Variants in ADGRB3 observed in about 807,000 individuals in gnomAD.
The protein encoded by ADGRB3 is brain-specific angiogenesis inhibitor 3.
In ADGRB3, 37 loss-of-function variants were observed where a neutral mutation model predicts 193.4. The ratio of observed to expected loss-of-function variants is 0.19; its 90% CI spans 0.15 to 0.25. The LOEUF (loss-of-function observed/expected upper bound fraction) is 0.25, where lower values mean the gene tolerates loss of function less well. Among genes scored for constraint, ADGRB3 ranks in the 10% least tolerant of loss-of-function variants. ADGRB3 has a pLI of 1.00. For missense variants in ADGRB3, 1,637 were observed against 1,852.9 expected (o/e 0.88, Z 2.14); for synonymous variants, 690 against 644.2 (o/e 1.07, Z -1.08).
At chr6:68,825,083 C>T (rs1767817752) in intron 3 of ADGRB3, among the ~76,000 whole-genome samples, 1 of 152,036 alleles carries the variant, frequency 6.6e-6, no homozygotes, top group Admixed American at 6.5e-5. Context: ...CTTCGAATTC[C>T]TGACGTCAGG....
intron 3 of ADGRB3, among the ~76,000 whole-genome samples, chr6:68,810,387 A>G (rs539440938): frequency 6.6e-6 from 1 of 152,312 alleles, no homozygotes; most frequent in Non-Finnish European, 1.5e-5. Context: ...CCTTTGGTGA[A>G]CTACCTATCC....
At chr6:68,822,621 A>G (rs1028592875) in intron 3 of ADGRB3, among the ~76,000 whole-genome samples, 3 of 151,944 alleles carry the variant, frequency 2.0e-5, no homozygotes, top group East Asian at 1.9e-4. Flanking sequence ...CCTGATATCT[A>G]TTTGAATCAC....
chr6:68,754,674 G>A (rs560369912), intron 3 of ADGRB3, among the ~76,000 whole-genome samples: 3 of 151,980 alleles, frequency 2.0e-5, no homozygotes, highest in Non-Finnish European at 4.4e-5. Flanking sequence ...ACTAAGTCTA[G>A]ATGGGACTCC....
chr6:69,372,497 ATAGT>A (rs1769728198), intron 30 of ADGRB3, 56 bp downstream of exon 30: 2 of 944,042 alleles, frequency 2.1e-6, no homozygotes, highest in Non-Finnish European at 3.0e-6. Flanking sequence ...AAATAGATAT[ATAGT>A]TACTTAAAAA....
intron 3 of ADGRB3, among the ~76,000 whole-genome samples, chr6:68,772,234 T>C (rs1047761517): frequency 1.3e-5 from 2 of 151,824 alleles, no homozygotes; most frequent in Non-Finnish European, 1.5e-5. Context: ...CAAGGAAAGG[T>C]AGGTGATAGG....
At chr6:68,874,821 T>A (rs2150221490) in intron 3 of ADGRB3, among the ~76,000 whole-genome samples, 1 of 152,310 alleles carries the variant, frequency 6.6e-6, no homozygotes, top group Non-Finnish European at 1.5e-5. Context: ...GCAGTCTATA[T>A]ATGAATATCT....
chr6:69,084,449 G>A (rs1255931139), intron 17 of ADGRB3, among the ~76,000 whole-genome samples: 1 of 151,998 alleles, frequency 6.6e-6, no homozygotes, highest in Non-Finnish European at 1.5e-5. Context: ...ATGAAAACTG[G>A]CTTTGTTCAT....
Position 69,049,268 on chromosome 6 carries a change from T to C in ADGRB3, c.2258-3T>C. The C allele has an allele frequency of 6.3e-7, 1 of 1,588,042 alleles. No homozygotes were observed. The highest frequency in any genetic ancestry group is 8.6e-7 in the Non-Finnish European group (1 of 1,162,634). On this transcript the variant is annotated splice_polypyrimidine_tract_variant and splice_region_variant and intron_variant, in intron 14 of 31. Coordinates refer to ENST00000370598, the MANE Select transcript of ADGRB3 (RefSeq NM_001704.3). ...CTAATACTTCAAAATTTATTCTTTC[T>C]AGAATTAGATGAATCATCTGTATTT...
chr6:68,994,554 G>A (rs934296946), intron 11 of ADGRB3, among the ~76,000 whole-genome samples: 3 of 152,112 alleles, frequency 2.0e-5, no homozygotes, highest in African/African-American at 7.2e-5. Flanking sequence ...CCATAATAAA[G>A]TTTAAGTACT....
chr6:69,031,564 T>TTTCTTTCTTTC (rs1398380007), intron 13 of ADGRB3, among the ~76,000 whole-genome samples: 6 of 135,634 alleles, frequency 4.4e-5, no homozygotes, highest in Non-Finnish European at 8.1e-5. Context: ...TCTTTCTTTC[T>TTTCTTTCTTTC]TTTCTTCCTC....
At chr6:68,808,230 T>C (rs1767444258) in intron 3 of ADGRB3, among the ~76,000 whole-genome samples, 1 of 152,192 alleles carries the variant, frequency 6.6e-6, no homozygotes, top group African/African-American at 2.4e-5. Context: ...TTTAGTGATG[T>C]CAAATGTATA....
At chr6:69,162,158 G>A (rs1775010769) in intron 17 of ADGRB3, among the ~76,000 whole-genome samples, 1 of 151,986 alleles carries the variant, frequency 6.6e-6, no homozygotes, top group East Asian at 1.9e-4. Context: ...ATTTTGACAT[G>A]GATGGTTCTA....
intron 13 of ADGRB3, among the ~76,000 whole-genome samples, chr6:69,020,281 C>G (rs1770225289): frequency 6.6e-6 from 1 of 151,990 alleles, no homozygotes; most frequent in Non-Finnish European, 1.5e-5. Flanking sequence ...CAAACAAAGC[C>G]AATCTCAGAG....
chr6:68,906,141 C>G (rs1180471649), intron 3 of ADGRB3, among the ~76,000 whole-genome samples: 1 of 150,924 alleles, frequency 6.6e-6, no homozygotes, highest in Non-Finnish European at 1.5e-5. Flanking sequence ...TTTTTGATTG[C>G]CATTAAAATA....
At chr6:68,867,904 G>A (rs1430412688) in intron 3 of ADGRB3, among the ~76,000 whole-genome samples, 1 of 152,186 alleles carries the variant, frequency 6.6e-6, no homozygotes, top group African/African-American at 2.4e-5. Context: ...TACTCCCACT[G>A]TTTCTTGGAA....
At chr6:68,700,878 A>T (rs1765232262) in intron 3 of ADGRB3, among the ~76,000 whole-genome samples, 1 of 151,598 alleles carries the variant, frequency 6.6e-6, no homozygotes, top group African/African-American at 2.4e-5. Context: ...GTAAATGATG[A>T]GTTAACGGGT....
intron 17 of ADGRB3, among the ~76,000 whole-genome samples, chr6:69,128,539 C>T (rs1383036355): frequency 6.6e-6 from 1 of 151,960 alleles, no homozygotes; most frequent in Non-Finnish European, 1.5e-5. Flanking sequence ...TCTGATAAAT[C>T]ATACAGTAGA....
At chr6:68,927,824 T>A (rs1366104576) in intron 3 of ADGRB3, among the ~76,000 whole-genome samples, 1 of 152,114 alleles carries the variant, frequency 6.6e-6, no homozygotes, top group Non-Finnish European at 1.5e-5. Flanking sequence ...GGACCTCATA[T>A]TAATTCTTAT....
intron 5 of ADGRB3, among the ~76,000 whole-genome samples, chr6:68,940,297 C>A (rs962395194): frequency 1.3e-5 from 2 of 151,894 alleles, no homozygotes; most frequent in Non-Finnish European, 2.9e-5. Flanking sequence ...ACATTTTGAC[C>A]CCAATAAGTC....
Sources: allele counts gnomAD v4.1 joint callset (sites outside exome capture counted in the v4.1 genomes callset), GRCh38; gene constraint gnomAD v4.1.1; transcripts MANE v1.5; gene names NCBI Gene and HGNC (gene_info 2026-07-23, HGNC 2026-07-21).